The following PAX2 variants were observed in gnomAD, a reference collection of about 807,000 sequenced individuals.
PAX2 encodes the protein paired box protein Pax-2.
In PAX2, 9 loss-of-function variants were observed where a neutral mutation model predicts 41.7. That is an observed-to-expected ratio of 0.22 (90% confidence interval 0.13 to 0.38). The LOEUF is 0.38. Ranked by LOEUF, PAX2 falls within the 10% of genes least tolerant of loss-of-function variation. The probability of loss-of-function intolerance (pLI) is 1.00; values close to 1 mark genes in which losing one functional copy is unlikely to be tolerated. For missense variants in PAX2, 418 were observed against 531.6 expected (o/e 0.79, Z 2.10); for synonymous variants, 221 against 212.7 (o/e 1.04, Z -0.34).
intron 5 of PAX2, among the ~76,000 whole-genome samples, chr10:100,802,596 C>T (rs1458490026): frequency 1.3e-5 from 2 of 152,112 alleles, no homozygotes; most frequent in East Asian, 3.9e-4. Context: ...ATGGCCAGTC[C>T]CAAAACCTTC....
intron 3 of PAX2, among the ~76,000 whole-genome samples, chr10:100,755,334 G>A (rs1845590509): frequency 6.6e-6 from 1 of 152,174 alleles, no homozygotes; most frequent in African/African-American, 2.4e-5. Context: ...TGCTTGCCCT[G>A]CCTTCCTACC....
intron 6 of PAX2, among the ~76,000 whole-genome samples, chr10:100,806,838 G>A (rs992232987): frequency 6.6e-6 from 1 of 152,140 alleles, no homozygotes; most frequent in Non-Finnish European, 1.5e-5. Flanking sequence ...CAAGAGTATG[G>A]CCTTGGGTAA....
chr10:100,742,468 G>T (rs1303492676), upstream of PAX2, among the ~76,000 whole-genome samples: 4 of 152,156 alleles, frequency 2.6e-5, no homozygotes, highest in African/African-American at 9.6e-5. Context: ...GTTGGGGGCC[G>T]CCAGGCGCCT....
chr10:100,824,913 G>C lies in PAX2; in HGVS notation c.1021+164G>C. ...CTCTCTCTCCTTAGAGGCTGCAGTT[G>C]GTCCCTCATCCTCCCTCATGAGCAA... On this transcript the variant is annotated intron_variant, in intron 8 of 9. Transcript: ENST00000355243. The surrounding 1 kb of genome is among the most constrained non-coding windows in gnomAD (Gnocchi z 6.6). 1 of 1,613,848 alleles carries C rather than the reference G, an allele frequency of 6.2e-7. No individual in the cohort carries two copies. The highest frequency in any genetic ancestry group is 8.5e-7 in the Non-Finnish European group (1 of 1,179,760).
In PAX2 at chr10:100,748,116, T is replaced by C. The variant is rs936491891; in HGVS notation, c.44-1630T>C. On this transcript the variant is annotated intron_variant, in intron 1 of 9. Transcript: ENST00000355243. The surrounding 1 kb of genome is among the most constrained non-coding windows in gnomAD (Gnocchi z 5.0). ...TCGCTGCAGTCCCCCAGCCCTGGACTCCCGCCGTGTCCCCTTCCCATCCCC... is the reference window on the plus strand; with the variant it reads ...TCGCTGCAGTCCCCCAGCCCTGGACCCCCGCCGTGTCCCCTTCCCATCCCC... 1 of 984,826 alleles carries C rather than the reference T, an allele frequency of 1.0e-6. No homozygotes were observed. Among genetic ancestry groups the C allele is most frequent in the African/African-American group, 1.7e-5 (1 of 57,188 alleles). The allele number at this position is 984,826 out of a possible 1,614,324, so 61.0% of individuals were successfully genotyped here. A position where few individuals can be genotyped will look rare whatever the true frequency, so the allele number is the denominator to read the frequency against.
intron 5 of PAX2, among the ~76,000 whole-genome samples, chr10:100,801,543 G>C (rs372976003): frequency 5.9e-5 from 9 of 152,224 alleles, no homozygotes; most frequent in Admixed American, 2.6e-4. Flanking sequence ...GCCCAGTCCT[G>C]GGAGTCCCAT....
At chr10:100,805,869 C>T (rs1475139807) in intron 5 of PAX2, among the ~76,000 whole-genome samples, 1 of 152,226 alleles carries the variant, frequency 6.6e-6, no homozygotes, top group African/African-American at 2.4e-5. Context: ...CCAACCCAAG[C>T]AGAGTGCCTC....
chr10:100,826,832 C>G lies in PAX2; in HGVS notation c.1022-177C>G, dbSNP rs1848584279. On this transcript the variant is annotated intron_variant, in intron 8 of 9. Transcript: ENST00000355243. This position sits in a 1 kb window ranked among gnomAD's most constrained non-coding sequence, Gnocchi z 5.5. ...CTCCCGCCTCCCCGGGCTCTCTCCA[C>G]GCGGACGCGGTGATCGCCCCACCTC... 6.6e-6 allele frequency among the ~76,000 whole-genome samples: 1 copy of G among 152,168 alleles called. No homozygotes were observed.
In PAX2 at chr10:100,806,417, A is replaced by C. The variant is rs747360721; in HGVS notation, c.617-13A>C. The C allele has an allele frequency of 6.2e-7, 1 of 1,613,972 alleles. No individual in the cohort carries two copies. The highest frequency in any genetic ancestry group is 1.3e-5 in the African/African-American group (1 of 74,928). On this transcript the variant is annotated splice_polypyrimidine_tract_variant and intron_variant, in intron 5 of 9. Transcript: ENST00000355243. Reference sequence around the variant, plus strand: ...CCTGGCGCTAACGCCCCGAGTGTCCATGTGTTCTCCAGATGTGTCTGAGGG... The same window carrying C: ...CCTGGCGCTAACGCCCCGAGTGTCCCTGTGTTCTCCAGATGTGTCTGAGGG...
chr10:100,813,088 C>T (rs1564741002), intron 7 of PAX2, among the ~76,000 whole-genome samples: 1 of 152,228 alleles, frequency 6.6e-6, no homozygotes. Context: ...TTGCACTGGA[C>T]CACATTCAAA....
intron 1 of PAX2, among the ~76,000 whole-genome samples, chr10:100,738,450 T>G (rs1167302680): frequency 1.3e-5 from 2 of 152,176 alleles, no homozygotes; most frequent in Non-Finnish European, 1.5e-5. Context: ...GGAACACAGC[T>G]GTCTGCCTAT....
rs1848674273 is a variant in PAX2 at position 100,828,744 on chromosome 10, C to T, written c.*1125C>T. The T allele has an allele frequency of 4.3e-6, 1 of 233,658 alleles. No individual in the cohort carries two copies. Among genetic ancestry groups the T allele is most frequent in the Non-Finnish European group, 8.5e-6 (1 of 118,032 alleles). The allele number at this position is 233,658 out of a possible 1,614,324, so 14.5% of individuals were successfully genotyped here. A position where few individuals can be genotyped will look rare whatever the true frequency, so the allele number is the denominator to read the frequency against. ...CCACTCCACTCCTCCCATCCCCTCC[C>T]AGCCTCCTCCTCCGGCAGGAACTGA... On this transcript the variant is annotated 3_prime_UTR_variant, in exon 10 of 10. Coordinates refer to ENST00000355243, the MANE Select transcript of PAX2 (RefSeq NM_000278.5). The surrounding 1 kb of genome is among the most constrained non-coding windows in gnomAD (Gnocchi z 6.5).
intron 6 of PAX2, among the ~76,000 whole-genome samples, chr10:100,807,797 C>T (rs1159124655): frequency 2.0e-5 from 3 of 152,226 alleles, no homozygotes; most frequent in African/African-American, 4.8e-5. Flanking sequence ...CATGCACACA[C>T]GCACCCACAC....
At chr10:100,815,635 C>T (rs559242149) in intron 7 of PAX2, among the ~76,000 whole-genome samples, 4 of 152,380 alleles carry the variant, frequency 2.6e-5, no homozygotes, top group South Asian at 4.1e-4. Context: ...CGGCTGCTCT[C>T]GGCCTGCAGC....
intron 5 of PAX2, among the ~76,000 whole-genome samples, chr10:100,803,992 G>A (rs75349384): frequency 2.5e-3 from 385 of 152,240 alleles, no homozygotes; most frequent in Non-Finnish European, 4.4e-3. Flanking sequence ...ATTCCATAGC[G>A]GCTGAAAAAT....
intron 7 of PAX2, among the ~76,000 whole-genome samples, chr10:100,816,679 G>T (rs1427941649): frequency 6.6e-6 from 1 of 152,190 alleles, no homozygotes; most frequent in Non-Finnish European, 1.5e-5. Flanking sequence ...TCCACAATTA[G>T]CTGTAGCCTC....
chr10:100,744,633 G>A (rs1156913639), upstream of PAX2, among the ~76,000 whole-genome samples: 1 of 152,322 alleles, frequency 6.6e-6, no homozygotes, highest in East Asian at 1.9e-4. Flanking sequence ...CCCCAGCCGG[G>A]GAGAGCCAGC....
intron 6 of PAX2, among the ~76,000 whole-genome samples, chr10:100,807,315 G>C (rs1025549000): frequency 1.3e-5 from 2 of 149,406 alleles, no homozygotes; most frequent in Non-Finnish European, 3.0e-5. Flanking sequence ...CCATGGTACT[G>C]TGCTCACACA....
In PAX2 at chr10:100,826,522, C is replaced by T. The variant is rs1452513922; in HGVS notation, c.1022-487C>T. ...CGGTGTCTCCCAAAAGAGCTCCCAC[C>T]TCTTGTGTTGGCACTGCACATTGAT... On this transcript the variant is annotated intron_variant, in intron 8 of 9. Coordinates refer to ENST00000355243, the MANE Select transcript of PAX2 (RefSeq NM_000278.5). The surrounding 1 kb of genome is among the most constrained non-coding windows in gnomAD (Gnocchi z 5.5). Among the ~76,000 whole-genome samples the T allele has an allele frequency of 6.6e-6, 1 of 152,200 alleles. No homozygotes were observed. Among genetic ancestry groups the T allele is most frequent in the African/African-American group, 2.4e-5 (1 of 41,462 alleles).
Sources: gnomAD v4.1 joint callset for allele counts (sites outside exome capture counted in the v4.1 genomes callset) on GRCh38, gnomAD v4.1.1 for gene constraint, Gnocchi (gnomAD v3.1) non-coding constraint, MANE v1.5 for transcripts, NCBI Gene and HGNC (gene_info 2026-07-23, HGNC 2026-07-21) for gene names.